The following NRXN3 variants were observed in gnomAD, a reference collection of about 807,000 sequenced individuals.
NRXN3 encodes neurexin 3.
Under a neutral mutation model 137.6 loss-of-function variants are expected in NRXN3, and 32 were observed. That is an observed-to-expected ratio of 0.23 (90% confidence interval 0.18 to 0.31). The LOEUF (loss-of-function observed/expected upper bound fraction) is 0.31, where lower values mean the gene tolerates loss of function less well. NRXN3 is among the 10% of genes least tolerant of loss of function. The pLI is 1.00. For synonymous variants in NRXN3, 798 were observed against 784.5 expected (o/e 1.02, Z -0.29); for missense variants, 1,574 against 2,062.5 (o/e 0.76, Z 4.59).
intron 1 of NRXN3, among the ~76,000 whole-genome samples, chr14:78,184,856 C>T (rs939094062): frequency 1.3e-5 from 2 of 152,170 alleles, no homozygotes; most frequent in African/African-American, 4.8e-5. Flanking sequence ...AAAAGTGGTC[C>T]AGCCCTTGCT....
chr14:78,673,001 A>G (rs2152720088), intron 6 of NRXN3, among the ~76,000 whole-genome samples: 1 of 152,312 alleles, frequency 6.6e-6, no homozygotes, highest in Non-Finnish European at 1.5e-5. Context: ...TAACACTGCT[A>G]GTTGTCATGT....
chr14:79,358,607 G>GAAAGAGAGAGAAAGAA lies in NRXN3; in HGVS notation c.3263-108613_3263-108612insAAGAGAGAGAAAGAAA, dbSNP rs10667477. 2.3e-4 allele frequency among the ~76,000 whole-genome samples: 18 copies of GAAAGAGAGAGAAAGAA among 79,944 alleles called. 1 individual carries two copies. Among genetic ancestry groups the GAAAGAGAGAGAAAGAA allele is most frequent in the Non-Finnish European group, 5.1e-5 (2 of 39,156 alleles). 52.4% of individuals were successfully genotyped at this position (79,944 alleles called of 152,430 possible). A position where few individuals can be genotyped will look rare whatever the true frequency, so the allele number is the denominator to read the frequency against. On this transcript the variant is annotated intron_variant, in intron 15 of 20. Transcript: ENST00000335750. ...AGAGAGAAAGAAAGAAAGAAAGAAA[G>GAAAGAGAGAGAAAGAA]AGAAAGAAAGAAAGAAAGAAAGAAA...
intron 1 of NRXN3, among the ~76,000 whole-genome samples, chr14:78,211,705 C>T (rs981957396): frequency 6.6e-6 from 1 of 152,240 alleles, no homozygotes; most frequent in African/African-American, 2.4e-5. Flanking sequence ...GCCTCTTTCT[C>T]TGCAGTAATT....
intron 10 of NRXN3, among the ~76,000 whole-genome samples, chr14:78,857,584 A>G (rs951653810): frequency 6.6e-6 from 1 of 152,186 alleles, no homozygotes; most frequent in South Asian, 2.1e-4. Context: ...TGCATCTACT[A>G]TGTGAAACAT....
intron 4 of NRXN3, among the ~76,000 whole-genome samples, chr14:78,441,455 C>T (rs1450914771): frequency 6.6e-6 from 1 of 152,192 alleles, no homozygotes; most frequent in Non-Finnish European, 1.5e-5. Context: ...CACTGTCCTT[C>T]CCAGAAGACT....
intron 19 of NRXN3, among the ~76,000 whole-genome samples, chr14:79,746,866 A>C (rs1244522028): frequency 6.6e-6 from 1 of 152,176 alleles, no homozygotes; most frequent in South Asian, 2.1e-4. Flanking sequence ...CCCTAAAACT[A>C]TTTAGACAGT....
Position 79,001,868 on chromosome 14 carries a change from G to T in NRXN3, c.3262+13727G>T, listed in dbSNP as rs116236903. On this transcript the variant is annotated intron_variant, in intron 15 of 20. Coordinates refer to ENST00000335750, the MANE Select transcript of NRXN3 (RefSeq NM_001330195.2). ...TTGTTAACAAAGATTATAAATAATG[G>T]GGGCAAAGCAGAGTATTGGGCCTGG... Among the ~76,000 whole-genome samples the T allele has an allele frequency of 5.7e-3, 862 of 152,298 alleles. 7 individuals carry two copies. Among genetic ancestry groups the T allele is most frequent in the African/African-American group, 0.02 (840 of 41,568 alleles).
At chr14:78,419,431 G>C (rs1241919175) in intron 4 of NRXN3, among the ~76,000 whole-genome samples, 1 of 152,006 alleles carries the variant, frequency 6.6e-6, no homozygotes, top group Non-Finnish European at 1.5e-5. Flanking sequence ...TAGAGATGGG[G>C]TTTCACCATG....
At chr14:79,287,364 G>T (rs2153454179) in intron 15 of NRXN3, among the ~76,000 whole-genome samples, 1 of 152,322 alleles carries the variant, frequency 6.6e-6, no homozygotes, top group Admixed American at 6.5e-5. Context: ...CAGGGATTCA[G>T]TAAAGTGAAA....
intron 6 of NRXN3, among the ~76,000 whole-genome samples, chr14:78,656,425 G>A (rs2097785273): frequency 6.6e-6 from 1 of 152,118 alleles, no homozygotes; most frequent in Non-Finnish European, 1.5e-5. Context: ...CAAAGGCATG[G>A]AGGTAGAGCA....
intron 15 of NRXN3, among the ~76,000 whole-genome samples, chr14:79,011,171 C>A (rs973006772): frequency 6.6e-6 from 1 of 152,046 alleles, no homozygotes; most frequent in Non-Finnish European, 1.5e-5. Context: ...TTTCTTTGTA[C>A]GTCTGAAATT....
intron 10 of NRXN3, among the ~76,000 whole-genome samples, chr14:78,822,066 T>C (rs142099717): frequency 3.5e-4 from 53 of 152,316 alleles, no homozygotes; most frequent in African/African-American, 1.2e-3. Flanking sequence ...GAAAATTGAA[T>C]ACTAAGTGAA....
chr14:79,424,723 T>C (rs1258681024), intron 15 of NRXN3, among the ~76,000 whole-genome samples: 2 of 152,168 alleles, frequency 1.3e-5, no homozygotes, highest in Non-Finnish European at 2.9e-5. Flanking sequence ...ATGTTTATTC[T>C]AGCAGCATCT....
chr14:79,082,677 C>T (rs895544490), intron 15 of NRXN3, among the ~76,000 whole-genome samples: 1 of 152,084 alleles, frequency 6.6e-6, no homozygotes, highest in Admixed American at 6.6e-5. Context: ...TTCTGTCTTC[C>T]AAATGAGTTC....
chr14:78,592,404 T>G (rs1158777595), intron 4 of NRXN3, among the ~76,000 whole-genome samples: 1 of 152,122 alleles, frequency 6.6e-6, no homozygotes, highest in Non-Finnish European at 1.5e-5. Flanking sequence ...TGACACAGGG[T>G]GGCTCTTGCT....
intron 4 of NRXN3, among the ~76,000 whole-genome samples, chr14:78,633,018 G>T (rs893397569): frequency 6.6e-6 from 1 of 151,952 alleles, no homozygotes; most frequent in East Asian, 1.9e-4. Flanking sequence ...GGCAGATCAT[G>T]AGGTCAGGAG....
At chr14:79,603,453 G>A (rs2097953583) in intron 16 of NRXN3, among the ~76,000 whole-genome samples, 1 of 152,064 alleles carries the variant, frequency 6.6e-6, no homozygotes, top group Non-Finnish European at 1.5e-5. Flanking sequence ...TACCTCAACA[G>A]GTTTCTGTCC....
chr14:79,514,764 T>A (rs773600048), intron 16 of NRXN3, among the ~76,000 whole-genome samples: 2 of 152,096 alleles, frequency 1.3e-5, no homozygotes, highest in African/African-American at 2.4e-5. Flanking sequence ...AATAGAAGCT[T>A]CAGGCAATGT....
At chr14:79,576,165 A>T (rs150714768) in intron 16 of NRXN3, among the ~76,000 whole-genome samples, 1 of 152,164 alleles carries the variant, frequency 6.6e-6, no homozygotes, top group East Asian at 1.9e-4. Context: ...GAAATAAATT[A>T]AAAATGCTTT....
Sources: allele counts gnomAD v4.1 joint callset (sites outside exome capture counted in the v4.1 genomes callset), GRCh38; gene constraint gnomAD v4.1.1; transcripts MANE v1.5; gene names NCBI Gene and HGNC (gene_info 2026-07-23, HGNC 2026-07-21).